The following PLCB1 variants were observed in gnomAD, a reference collection of about 807,000 sequenced individuals.
The protein encoded by PLCB1 is phospholipase C beta 1.
Under a neutral mutation model 161.8 loss-of-function variants are expected in PLCB1, and 46 were observed. The observed-to-expected ratio is 0.28, with a 90% confidence interval of 0.22 to 0.36. The LOEUF (loss-of-function observed/expected upper bound fraction) is 0.36, where lower values mean the gene tolerates loss of function less well. Among genes scored for constraint, PLCB1 ranks in the 10% least tolerant of loss-of-function variants. The probability of loss-of-function intolerance (pLI) is 1.00; values close to 1 mark genes in which losing one functional copy is unlikely to be tolerated. For synonymous variants in PLCB1, 517 were observed against 503.7 expected (o/e 1.03, Z -0.35); for missense variants, 1,016 against 1,472.5 (o/e 0.69, Z 5.07).
At chr20:8,652,972 CG>C (rs1393634039) in intron 7 of PLCB1, 2 of 152,016 alleles carry the variant, frequency 1.3e-5, no homozygotes, top group Admixed American at 1.3e-4. Context: ...AAAACTGTTC[CG>C]TGTTCAAAAA....
intron 2 of PLCB1, among the ~76,000 whole-genome samples, chr20:8,240,141 G>T (rs1309178371): frequency 6.6e-6 from 1 of 151,482 alleles, no homozygotes; most frequent in Non-Finnish European, 1.5e-5. Flanking sequence ...CATAATCTAT[G>T]ATTTTTTTTC....
chr20:8,551,862 T>G (rs554663877), intron 3 of PLCB1, among the ~76,000 whole-genome samples: 15 of 152,216 alleles, frequency 9.9e-5, no homozygotes, highest in Non-Finnish European at 2.1e-4. Flanking sequence ...CTTAAATTTT[T>G]TCTGCAAAAG....
rs1987414473 is a variant in PLCB1 at position 8,385,967 on chromosome 20, C to T, written c.246+14517C>T. Among the ~76,000 whole-genome samples, 6 of 152,228 alleles carry T rather than the reference C, an allele frequency of 3.9e-5. No individual in the cohort carries two copies. In the South Asian group the frequency reaches 1.0e-3, roughly 26 times the overall value. ...CTCCTAGTTGGCCATCTTGGCCCTG[C>T]CTCCCCGTTCAAGTTTTATTATAAG... On this transcript the variant is annotated intron_variant, in intron 3 of 31. Transcript: ENST00000338037.
chr20:8,329,902 G>A (rs896223609), intron 2 of PLCB1, among the ~76,000 whole-genome samples: 5 of 152,150 alleles, frequency 3.3e-5, no homozygotes, highest in African/African-American at 1.2e-4. Context: ...GTAGAAATGT[G>A]TATTTCTATA....
chr20:8,448,136 GC>G (rs1458321369), intron 3 of PLCB1, among the ~76,000 whole-genome samples: 1 of 152,184 alleles, frequency 6.6e-6, no homozygotes, highest in African/African-American at 2.4e-5. Context: ...TGTTGAGTAG[GC>G]GCTTACTAGC....
chr20:8,813,824 T>C (rs1489220296), intron 31 of PLCB1, among the ~76,000 whole-genome samples: 3 of 152,178 alleles, frequency 2.0e-5, no homozygotes, highest in African/African-American at 4.8e-5. Flanking sequence ...CAAGATTCTG[T>C]TTTAAATAAA....
intron 2 of PLCB1, among the ~76,000 whole-genome samples, chr20:8,267,965 A>G (rs1982062227): frequency 6.6e-6 from 1 of 150,446 alleles, no homozygotes; most frequent in Non-Finnish European, 1.5e-5. Flanking sequence ...TGTCTTTATT[A>G]TTATTATTAT....
chr20:8,159,410 T>C (rs937816325), intron 2 of PLCB1, among the ~76,000 whole-genome samples: 4 of 152,076 alleles, frequency 2.6e-5, no homozygotes, highest in African/African-American at 9.7e-5. Context: ...AAAACCATTT[T>C]TTCCTCCTAG....
intron 2 of PLCB1, among the ~76,000 whole-genome samples, chr20:8,154,443 C>T (rs1179119033): frequency 6.6e-6 from 1 of 152,100 alleles, no homozygotes; most frequent in Non-Finnish European, 1.5e-5. Flanking sequence ...GTGTGTAGCC[C>T]TCTCTGGGAA....
At chr20:8,451,562 C>T (rs2122648546) in intron 3 of PLCB1, among the ~76,000 whole-genome samples, 1 of 152,178 alleles carries the variant, frequency 6.6e-6, no homozygotes, top group South Asian at 2.1e-4. Context: ...GTTGGACAGG[C>T]TGGTCTCAAA....
intron 9 of PLCB1, among the ~76,000 whole-genome samples, chr20:8,664,246 T>C (rs1189482650): frequency 6.6e-6 from 1 of 152,180 alleles, no homozygotes; most frequent in African/African-American, 2.4e-5. Context: ...GTCCCCACTT[T>C]GTTGTAATTA....
intron 3 of PLCB1, among the ~76,000 whole-genome samples, chr20:8,495,091 G>A (rs915656555): frequency 6.6e-6 from 1 of 151,838 alleles, no homozygotes; most frequent in Non-Finnish European, 1.5e-5. Flanking sequence ...AGGGAGAAGA[G>A]GTGGATTCAT....
At chr20:8,345,793 C>G (rs973799495) in intron 2 of PLCB1, among the ~76,000 whole-genome samples, 1 of 152,186 alleles carries the variant, frequency 6.6e-6, no homozygotes, top group Admixed American at 6.5e-5. Context: ...TCTTCCTAAG[C>G]TGATCCAGGC....
chr20:8,877,199 A>C (rs1175347285), intron 31 of PLCB1, among the ~76,000 whole-genome samples: 1 of 152,204 alleles, frequency 6.6e-6, no homozygotes, highest in African/African-American at 2.4e-5. Context: ...GAACAGAGGC[A>C]ATCAAAAGGA....
intron 31 of PLCB1, among the ~76,000 whole-genome samples, chr20:8,834,034 T>G (rs185873824): frequency 6.6e-6 from 1 of 152,314 alleles, no homozygotes; most frequent in East Asian, 1.9e-4. Flanking sequence ...AATTTCTTTC[T>G]TTTCAAGTTC....
intron 3 of PLCB1, among the ~76,000 whole-genome samples, chr20:8,427,468 G>T (rs1192348196): frequency 1.3e-5 from 2 of 152,182 alleles, no homozygotes; most frequent in South Asian, 2.1e-4. Flanking sequence ...GCTGGGAGTT[G>T]CCTGGTGAGG....
chr20:8,271,480 A>G (rs1214144469), intron 2 of PLCB1, among the ~76,000 whole-genome samples: 1 of 152,132 alleles, frequency 6.6e-6, no homozygotes, highest in Non-Finnish European at 1.5e-5. Flanking sequence ...TTTTATGGAA[A>G]ACCATTTATA....
At chr20:8,366,622 C>T (rs949682408) in intron 2 of PLCB1, among the ~76,000 whole-genome samples, 1 of 152,162 alleles carries the variant, frequency 6.6e-6, no homozygotes, top group Non-Finnish European at 1.5e-5. Context: ...TTTATCCATG[C>T]TGTTAATTCA....
intron 31 of PLCB1, among the ~76,000 whole-genome samples, chr20:8,805,796 T>A (rs920234963): frequency 1.3e-5 from 2 of 152,208 alleles, no homozygotes; most frequent in Non-Finnish European, 2.9e-5. Context: ...ATGATCTAGA[T>A]GTCAAAGTAG....
Sources: gnomAD v4.1 joint callset for allele counts (sites outside exome capture counted in the v4.1 genomes callset) on GRCh38, gnomAD v4.1.1 for gene constraint, MANE v1.5 for transcripts, NCBI Gene and HGNC (gene_info 2026-07-23, HGNC 2026-07-21) for gene names.